The following NSMCE2 variants were observed in gnomAD, a reference collection of about 807,000 sequenced individuals.
NSMCE2 encodes E3 SUMO-protein ligase NSE2.
A neutral mutation model predicts 23.8 loss-of-function variants in NSMCE2; 24 were observed. The observed-to-expected ratio is 1.01, with a 90% CI of 0.73 to 1.42. NSMCE2 has a LOEUF of 1.42. Ranked by LOEUF, NSMCE2 falls within the 40% of genes most tolerant of loss-of-function variation. The pLI, the probability that NSMCE2 is intolerant of heterozygous loss-of-function variation, is 0.00. For synonymous variants in NSMCE2, 92 were observed against 94.1 expected (o/e 0.98, Z 0.13); for missense variants, 284 against 296.5 (o/e 0.96, Z 0.31).
chr8:125,354,439 A>G (rs1813167939), intron 5 of NSMCE2, among the ~76,000 whole-genome samples: 1 of 152,244 alleles, frequency 6.6e-6, no homozygotes, highest in Admixed American at 6.5e-5. Flanking sequence ...TCAACAATTA[A>G]TGAAGTTAAC....
At chr8:125,326,252 A>G (rs1231432997) in intron 5 of NSMCE2, among the ~76,000 whole-genome samples, 2 of 152,086 alleles carry the variant, frequency 1.3e-5, no homozygotes, top group Non-Finnish European at 2.9e-5. Flanking sequence ...GTGAGACTCC[A>G]TCTCAAAAAA....
chr8:125,202,085 G>A (rs1209464493), intron 5 of NSMCE2, among the ~76,000 whole-genome samples: 1 of 152,218 alleles, frequency 6.6e-6, no homozygotes, highest in Non-Finnish European at 1.5e-5. Context: ...ACAGTATTTT[G>A]GCGAGAGTGT....
intron 5 of NSMCE2, among the ~76,000 whole-genome samples, chr8:125,355,345 GAAGGGA>G (rs1275409155): frequency 6.6e-6 from 1 of 152,158 alleles, no homozygotes; most frequent in Non-Finnish European, 1.5e-5. Context: ...AAAGAGTAGA[GAAGGGA>G]AAGGGAAAGG....
Position 125,182,223 on chromosome 8 carries a change from T to G in NSMCE2, c.385T>G (p.Phe129Val). 6.2e-7 allele frequency: 1 copy of G among 1,607,776 alleles called. No homozygotes were observed. Among genetic ancestry groups the G allele is most frequent in the Non-Finnish European group, 8.5e-7 (1 of 1,177,784 alleles). Residue 129 changes from phenylalanine to valine, a missense_variant, in exon 5 of 8, where the codon TTT becomes GTT. Physicochemically the swap from Phe to Val is conservative, Grantham distance 50 (BLOSUM62 -1). Coordinates refer to ENST00000287437, the MANE Select transcript of NSMCE2 (RefSeq NM_173685.4). ...TCAAAATAATGAAAAATTTGTACAG[T>G]TTAAACAACAGCTGAAAGAACTAAA... is the stretch of plus-strand genomic sequence containing the variant. ...DFQNNEKFVQ[F>V]KQQLKELKKQ...
chr8:125,104,464 T>C (rs1374041962), intron 3 of NSMCE2, among the ~76,000 whole-genome samples: 1 of 152,228 alleles, frequency 6.6e-6, no homozygotes, highest in African/African-American at 2.4e-5. Context: ...GGAGTCTCTC[T>C]TGATTGCCCC....
intron 5 of NSMCE2, among the ~76,000 whole-genome samples, chr8:125,197,256 T>A (rs1026613053): frequency 1.3e-5 from 2 of 152,172 alleles, no homozygotes. Flanking sequence ...GGTGTTTTAG[T>A]CATGAAGTCC....
intron 3 of NSMCE2, among the ~76,000 whole-genome samples, chr8:125,134,987 A>G (rs998945317): frequency 1.3e-5 from 2 of 152,132 alleles, no homozygotes; most frequent in African/African-American, 2.4e-5. Context: ...GGCTTATTGC[A>G]AAGTTCACCT....
chr8:125,289,028 G>A (rs2131155419), intron 5 of NSMCE2, among the ~76,000 whole-genome samples: 1 of 152,210 alleles, frequency 6.6e-6, no homozygotes, highest in Admixed American at 6.5e-5. Flanking sequence ...CTGAGCTCAA[G>A]CAATCCTGCC....
intron 5 of NSMCE2, among the ~76,000 whole-genome samples, chr8:125,221,075 C>G (rs1053553461): frequency 6.6e-6 from 1 of 152,024 alleles, no homozygotes; most frequent in Non-Finnish European, 1.5e-5. Context: ...ATGGTCATAC[C>G]CACCCTCTAC....
intron 4 of NSMCE2, among the ~76,000 whole-genome samples, chr8:125,177,233 A>C (rs554637295): frequency 4.6e-5 from 7 of 152,314 alleles, no homozygotes; most frequent in African/African-American, 1.7e-4. Context: ...CACAGCACTG[A>C]AGTGGGTGTT....
intron 5 of NSMCE2, among the ~76,000 whole-genome samples, chr8:125,218,399 T>G (rs1455417790): frequency 1.3e-5 from 2 of 150,832 alleles, no homozygotes; most frequent in Admixed American, 1.3e-4. Flanking sequence ...AATAGCATAT[T>G]CTGAAAAATT....
intron 3 of NSMCE2, among the ~76,000 whole-genome samples, chr8:125,111,527 C>T (rs952291931): frequency 7.2e-5 from 11 of 152,156 alleles, no homozygotes; most frequent in South Asian, 2.1e-4. Context: ...AGGCTGGTTG[C>T]GGTGGCTCAT....
At chr8:125,320,090 C>T (rs958963629) in intron 5 of NSMCE2, among the ~76,000 whole-genome samples, 13 of 151,082 alleles carry the variant, frequency 8.6e-5, no homozygotes, top group African/African-American at 2.9e-4. Context: ...GCAGGAAAAT[C>T]GCTTGAACCC....
rs191171914 is a variant in NSMCE2, at chr8:125,194,689, C to T, written c.418+12433C>T. 7.3e-3 allele frequency among the ~76,000 whole-genome samples: 1,117 copies of T among 152,092 alleles called. 10 individuals are homozygous for T. The highest frequency in any genetic ancestry group is 0.011 in the Non-Finnish European group (725 of 67,980). On this transcript the variant is annotated intron_variant, in intron 5 of 7. Coordinates refer to ENST00000287437, the MANE Select transcript of NSMCE2 (RefSeq NM_173685.4). ...TGATGTTTAGCTTATAAGAAATGGA[C>T]ATTTTGTCGATATTATTTATAAAAT...
intron 5 of NSMCE2, among the ~76,000 whole-genome samples, chr8:125,274,751 G>A (rs917948083): frequency 1.3e-5 from 2 of 151,892 alleles, no homozygotes; most frequent in South Asian, 2.1e-4. Context: ...CCAACATGAC[G>A]AAACCCCATC....
intron 5 of NSMCE2, among the ~76,000 whole-genome samples, chr8:125,191,538 A>G (rs1823343892): frequency 6.6e-6 from 1 of 152,186 alleles, no homozygotes; most frequent in Non-Finnish European, 1.5e-5. Context: ...CTGAGAGAGA[A>G]TCTTTTTCGG....
chr8:125,175,676 T>C (rs1185119290), intron 4 of NSMCE2, among the ~76,000 whole-genome samples: 2 of 152,204 alleles, frequency 1.3e-5, no homozygotes, highest in East Asian at 3.8e-4. Context: ...TTAGCTCCTG[T>C]GATCTCCCCT....
intron 5 of NSMCE2, among the ~76,000 whole-genome samples, chr8:125,343,464 C>T (rs1022965949): frequency 6.6e-6 from 1 of 152,066 alleles, no homozygotes; most frequent in African/African-American, 2.4e-5. Flanking sequence ...CAGAAGAAAA[C>T]ATATTATATA....
At chr8:125,131,414 A>T (rs1819764615) in intron 3 of NSMCE2, among the ~76,000 whole-genome samples, 1 of 152,180 alleles carries the variant, frequency 6.6e-6, no homozygotes, top group African/African-American at 2.4e-5. Context: ...GTCAGAATTC[A>T]CTCATATATA....
Sources: gnomAD v4.1 joint callset for allele counts (sites outside exome capture counted in the v4.1 genomes callset) on GRCh38, gnomAD v4.1.1 for gene constraint, MANE v1.5 for transcripts, NCBI Gene and HGNC (gene_info 2026-07-23, HGNC 2026-07-21) for gene names.